LSM3: variants seen among roughly 807,000 people sequenced by gnomAD.
The protein encoded by LSM3 is U6 snRNA-associated Sm-like protein LSm3.
Under a neutral mutation model 15.4 loss-of-function variants are expected in LSM3, and 14 were observed. The ratio of observed to expected loss-of-function variants is 0.91; its 90% CI spans 0.60 to 1.42. The LOEUF (loss-of-function observed/expected upper bound fraction) is 1.42, where lower values mean the gene tolerates loss of function less well. Ranked by LOEUF, LSM3 falls within the 40% of genes most tolerant of loss-of-function variation. The pLI is 0.00. For missense variants in LSM3, 88 were observed against 127.9 expected, an observed-to-expected ratio of 0.69 and a Z score of 1.50; for synonymous variants, 46 against 45.1, an observed-to-expected ratio of 1.02 and a Z score of -0.08.
At chr3:14,196,413 C>T (rs1003737678) in intron 3 of LSM3, among the ~76,000 whole-genome samples, 2 of 152,160 alleles carry the variant, frequency 1.3e-5, no homozygotes, top group African/African-American at 2.4e-5. Context: ...CGGTTTTCTC[C>T]GTCAGACCAC....
rs922469883 is a variant in LSM3, at chr3:14,198,476, C to T, written c.*360C>T. 16 of 234,590 alleles carry T rather than the reference C, an allele frequency of 6.8e-5. No individual in the cohort carries two copies. The highest frequency in any genetic ancestry group is 1.2e-4 in the Non-Finnish European group (14 of 119,900). 14.5% of individuals were successfully genotyped at this position (234,590 alleles called of 1,614,324 possible). ...TGTCTTGTGAATTATTTAAAGTAAG[C>T]ATGTCTTACCTTCACTTAGCACACA... On this transcript the variant is annotated 3_prime_UTR_variant, in exon 4 of 4. Transcript: ENST00000306024.
chr3:14,186,026 C>T (rs1697085328), intron 3 of LSM3, among the ~76,000 whole-genome samples: 1 of 152,068 alleles, frequency 6.6e-6, no homozygotes, highest in Admixed American at 6.5e-5. Context: ...ATTCTCGTGC[C>T]TCAGCCTCCA....
rs1697227168 is a variant in LSM3, at chr3:14,200,706, A to T, written c.*2590A>T. The T allele has an allele frequency of 6.6e-6, 1 of 152,232 alleles. No individual in the cohort carries two copies. Among genetic ancestry groups the T allele is most frequent in the Non-Finnish European group, 1.5e-5 (1 of 68,052 alleles). The allele number at this position is 152,232 out of a possible 1,614,324, so 9.4% of individuals were successfully genotyped here. A position where few individuals can be genotyped will look rare whatever the true frequency, so the allele number is the denominator to read the frequency against. On this transcript the variant is annotated 3_prime_UTR_variant, in exon 4 of 4. Transcript: ENST00000306024. ...AATGAAAAGTAACTTGAGTATCCCA[A>T]GTTAAACTTAATCATTAGCTGCAAA...
In LSM3 at chr3:14,199,088, A is replaced by C. The variant is rs1271187767; in HGVS notation, c.*972A>C. 6.6e-6 allele frequency: 1 copy of C among 152,164 alleles called. No individual in the cohort carries two copies. The highest frequency in any genetic ancestry group is 2.4e-5 in the African/African-American group (1 of 41,436). The allele number at this position is 152,164 out of a possible 1,614,324, so 9.4% of individuals were successfully genotyped here. On this transcript the variant is annotated 3_prime_UTR_variant, in exon 4 of 4. Coordinates refer to ENST00000306024, the MANE Select transcript of LSM3 (RefSeq NM_014463.3). ...CATGATTTCTCTTTTCTCTGGCCTG[A>C]TTTAATTCTAAGGTCAGACGTTCAG...
chr3:14,185,869 T>TA (rs915935875), intron 3 of LSM3, among the ~76,000 whole-genome samples: 58 of 152,124 alleles, frequency 3.8e-4, no homozygotes, highest in Admixed American at 2.2e-3. Context: ...CTTCAGTGTT[T>TA]AAAAAAAATC....
intron 1 of LSM3, among the ~76,000 whole-genome samples, chr3:14,179,892 AATT>A (rs1460162664): frequency 1.3e-5 from 2 of 152,324 alleles, no homozygotes; most frequent in Admixed American, 1.3e-4. Flanking sequence ...ACAGTATTAT[AATT>A]ATTTGTATGC....
chr3:14,197,839 G>A (rs960475234), intron 3 of LSM3, among the ~76,000 whole-genome samples, 197 bp from the exon 4 acceptor site: 1 of 152,186 alleles, frequency 6.6e-6, no homozygotes, highest in African/African-American at 2.4e-5. Flanking sequence ...GTTTTAATGG[G>A]TAGCTCCAGT....
Position 14,194,558 on chromosome 3 carries a change from G to A in LSM3, c.229-3478G>A, listed in dbSNP as rs958130536. 2.0e-5 allele frequency among the ~76,000 whole-genome samples: 3 copies of A among 151,906 alleles called. No homozygotes were observed. In the South Asian group the frequency reaches 6.2e-4, roughly 32 times the overall value. ...CCATCATAATACCTGACACATAATG[G>A]GCACTCTAAATGTTTGTATGAGTGA... is the stretch of plus-strand genomic sequence containing the variant. On this transcript the variant is annotated intron_variant, in intron 3 of 3. Coordinates refer to ENST00000306024, the MANE Select transcript of LSM3 (RefSeq NM_014463.3).
chr3:14,191,433 G>A (rs757233783), intron 3 of LSM3, among the ~76,000 whole-genome samples: 4 of 152,128 alleles, frequency 2.6e-5, no homozygotes, highest in Non-Finnish European at 4.4e-5. Context: ...TTGGTTGGTA[G>A]GCTATTAATT....
In LSM3 at chr3:14,191,921, G is replaced by A. The variant is rs187805644; in HGVS notation, c.229-6115G>A. ...CTGCTTTCTCTTGTGGGCATTTAGTGCTATAAATTTTCCTCTAAACACTGC... is the reference window on the plus strand; with the variant it reads ...CTGCTTTCTCTTGTGGGCATTTAGTACTATAAATTTTCCTCTAAACACTGC... On this transcript the variant is annotated intron_variant, in intron 3 of 3. Transcript: ENST00000306024. 7.8e-3 allele frequency among the ~76,000 whole-genome samples: 1,187 copies of A among 152,170 alleles called. 20 individuals carry two copies. Among genetic ancestry groups the A allele is most frequent in the African/African-American group, 0.025 (1,029 of 41,490 alleles).
rs753137249 is a variant in LSM3, at chr3:14,199,309, G to A, written c.*1193G>A. The A allele has an allele frequency of 3.3e-5, 5 of 152,302 alleles. No individual in the cohort carries two copies. The highest frequency in any genetic ancestry group is 2.1e-4 in the South Asian group (1 of 4,826). The allele number at this position is 152,302 out of a possible 1,614,324, so 9.4% of individuals were successfully genotyped here. On this transcript the variant is annotated 3_prime_UTR_variant, in exon 4 of 4. Coordinates refer to ENST00000306024, the MANE Select transcript of LSM3 (RefSeq NM_014463.3). ...AAAACCTAAAGAGGAAAGTAAAAGC[G>A]TGTTACAATCTCTCAAACTTTATCA...
intron 2 of LSM3, among the ~76,000 whole-genome samples, chr3:14,182,879 C>T (rs1206190244): frequency 1.3e-5 from 2 of 152,172 alleles, no homozygotes; most frequent in African/African-American, 2.4e-5. Flanking sequence ...ACCTGAGCCC[C>T]ACTCTTAAGT....
At chr3:14,178,974 C>T (rs1696973576) in intron 1 of LSM3, 93 bp downstream of exon 1, 1 of 1,376,342 alleles carries the variant, frequency 7.3e-7, no homozygotes, top group Non-Finnish European at 1.0e-6. Flanking sequence ...TGCCTCCTCT[C>T]TCCAAGTCAC....
chr3:14,186,756 A>G (rs1697093406), intron 3 of LSM3, among the ~76,000 whole-genome samples: 1 of 152,214 alleles, frequency 6.6e-6, no homozygotes, highest in South Asian at 2.1e-4. Flanking sequence ...ACACAATCAT[A>G]AGTACTAAGA....
At position 14,197,398 on chromosome 3, in the gene LSM3, G is replaced by A. The variant is rs73026755; in HGVS notation, c.229-638G>A. 7.2e-3 allele frequency among the ~76,000 whole-genome samples: 1,090 copies of A among 152,278 alleles called. 5 individuals are homozygous for A. The highest frequency in any genetic ancestry group is 0.012 in the Non-Finnish European group (791 of 68,012). On this transcript the variant is annotated intron_variant, in intron 3 of 3. Transcript: ENST00000306024. ...TGCCAAGGCATAATATTAGGATTTC[G>A]AACATTCATGTGTTTCTTTACTGCC...
At position 14,200,640 on chromosome 3, in the gene LSM3, A is replaced by T. The variant is rs1177282675; in HGVS notation, c.*2524A>T. ...CATTGCCTCCCACAAAGAAAAATGG[A>T]CAAAATATGGGACCACATCTTTGAG... On this transcript the variant is annotated 3_prime_UTR_variant, in exon 4 of 4. Coordinates refer to ENST00000306024, the MANE Select transcript of LSM3 (RefSeq NM_014463.3). The T allele has an allele frequency of 6.6e-6, 1 of 152,228 alleles. No individual in the cohort carries two copies. The highest frequency in any genetic ancestry group is 1.9e-4 in the East Asian group (1 of 5,202). 9.4% of individuals were successfully genotyped at this position (152,228 alleles called of 1,614,324 possible). A position where few individuals can be genotyped will look rare whatever the true frequency, so the allele number is the denominator to read the frequency against.
chr3:14,197,705 G>T (rs1697198656), intron 3 of LSM3, among the ~76,000 whole-genome samples: 2 of 152,246 alleles, frequency 1.3e-5, no homozygotes, highest in Non-Finnish European at 2.9e-5. Flanking sequence ...TTCTGGGTCA[G>T]TCTGGATATA....
At chr3:14,196,381 T>C (rs1697187874) in intron 3 of LSM3, among the ~76,000 whole-genome samples, 1 of 152,112 alleles carries the variant, frequency 6.6e-6, no homozygotes, top group South Asian at 2.1e-4. Flanking sequence ...CAGCTCAGGG[T>C]GCAGGACTGC....
At chr3:14,182,187 C>T (rs1697045925) in intron 2 of LSM3, among the ~76,000 whole-genome samples, 1 of 152,110 alleles carries the variant, frequency 6.6e-6, no homozygotes, top group Non-Finnish European at 1.5e-5. Context: ...TAGAGAGACC[C>T]TGTCTCTACA....
Sources: gnomAD v4.1 joint callset for allele counts (sites outside exome capture counted in the v4.1 genomes callset) on GRCh38, gnomAD v4.1.1 for gene constraint, MANE v1.5 for transcripts, NCBI Gene and HGNC (gene_info 2026-07-23, HGNC 2026-07-21) for gene names.